Variants in CNTNAP4 observed in about 807,000 individuals in gnomAD.
The protein encoded by CNTNAP4 is contactin associated protein family member 4, also known as contactin-associated protein-like 4.
Under a neutral mutation model 148.4 loss-of-function variants are expected in CNTNAP4, and 98 were observed. The ratio of observed to expected loss-of-function variants is 0.66; its 90% CI spans 0.56 to 0.78. The LOEUF (loss-of-function observed/expected upper bound fraction) is 0.78, where lower values mean the gene tolerates loss of function less well. Among genes scored for constraint, CNTNAP4 ranks in the 30% least tolerant of loss-of-function variants. The pLI is 0.00. For missense variants in CNTNAP4, 1,935 were observed against 1,565.6 expected (o/e 1.24, Z -3.98); for synonymous variants, 730 against 565.1 (o/e 1.29, Z -4.14).
At chr16:76,550,884 C>T (rs2084927915) in intron 21 of CNTNAP4, among the ~76,000 whole-genome samples, 1 of 152,210 alleles carries the variant, frequency 6.6e-6, no homozygotes, top group Admixed American at 6.5e-5. Context: ...CGTATGTAAG[C>T]AGCAGAGTGA....
At position 76,494,975 on chromosome 16, in the gene CNTNAP4, T is replaced by C. The variant is rs781291488; in HGVS notation, c.2146T>C (p.Ser716Pro). The C allele has an allele frequency of 4.3e-6, 7 of 1,613,660 alleles. No homozygotes were observed. The South Asian group carries it at 7.7e-5, about 18-fold the overall frequency. Residue 716 changes from serine to proline, a missense_variant, in exon 14 of 24, where the codon TCG (serine) becomes CCG (proline). Physicochemically the swap from Ser to Pro is moderately conservative, Grantham distance 74. Coordinates refer to ENST00000611870, the MANE Select transcript of CNTNAP4 (RefSeq NM_033401.5). ...NETQTYWGGS[S>P]PDLQKCTCGL... ...AACGCAAACCTACTGGGGAGGTTCT[T>C]CGCCTGATCTTCAAAAATGTACTTG...
chr16:76,526,922 C>A (rs138041065), intron 17 of CNTNAP4, among the ~76,000 whole-genome samples: 2 of 152,132 alleles, frequency 1.3e-5, no homozygotes, highest in African/African-American at 4.8e-5. Context: ...GCTCCACCCC[C>A]CTCAGCCTCC....
At chr16:76,453,521 A>G (rs987135451) in intron 8 of CNTNAP4, among the ~76,000 whole-genome samples, 3 of 152,192 alleles carry the variant, frequency 2.0e-5, no homozygotes, top group Non-Finnish European at 4.4e-5. Context: ...CGTATGTACA[A>G]TGGCATCCAA....
At position 76,380,866 on chromosome 16, in the gene CNTNAP4, T is replaced by C. The variant is rs547787985; in HGVS notation, c.390+25355T>C. On this transcript the variant is annotated intron_variant, in intron 3 of 23. Coordinates refer to ENST00000611870, the MANE Select transcript of CNTNAP4 (RefSeq NM_033401.5). ...CTCTTCCACACCACAAGCATCAATA[T>C]GTGTACCTTAGAATGCCAAGAAAAA... is the stretch of plus-strand genomic sequence containing the variant. Among the ~76,000 whole-genome samples the C allele has an allele frequency of 9.2e-5, 14 of 152,270 alleles. No homozygotes were observed. In the South Asian group the frequency reaches 2.9e-3, roughly 31 times the overall value.
At chr16:76,546,362 C>T (rs1424670960) in intron 21 of CNTNAP4, among the ~76,000 whole-genome samples, 3 of 152,142 alleles carry the variant, frequency 2.0e-5, no homozygotes, top group African/African-American at 4.8e-5. Flanking sequence ...TACAGCTGCT[C>T]CCCATTGCTT....
At chr16:76,503,609 A>T (rs1187884052) in intron 15 of CNTNAP4, among the ~76,000 whole-genome samples, 1 of 152,124 alleles carries the variant, frequency 6.6e-6, no homozygotes, top group African/African-American at 2.4e-5. Flanking sequence ...TACATGTGCC[A>T]TGTTGGTGTG....
intron 17 of CNTNAP4, among the ~76,000 whole-genome samples, chr16:76,522,826 G>A (rs1443904159): frequency 4.7e-5 from 7 of 149,616 alleles, no homozygotes; most frequent in African/African-American, 9.9e-5. Context: ...GCAATAGTGC[G>A]ATCTCGGCTC....
intron 2 of CNTNAP4, among the ~76,000 whole-genome samples, chr16:76,336,258 A>G (rs1003291865): frequency 6.6e-6 from 1 of 152,186 alleles, no homozygotes; most frequent in Non-Finnish European, 1.5e-5. Context: ...TAACTGCAAT[A>G]TTATTCTAAC....
intron 15 of CNTNAP4, among the ~76,000 whole-genome samples, chr16:76,513,482 A>G (rs1419415102): frequency 6.6e-6 from 1 of 152,202 alleles, no homozygotes; most frequent in Non-Finnish European, 1.5e-5. Context: ...ACAGTCCCAC[A>G]TAAGGATTTG....
intron 2 of CNTNAP4, among the ~76,000 whole-genome samples, chr16:76,335,877 A>G (rs927809338): frequency 6.6e-6 from 1 of 152,142 alleles, no homozygotes; most frequent in African/African-American, 2.4e-5. Flanking sequence ...TCAGAATGTC[A>G]TGACCAAGTA....
At chr16:76,530,597 T>C (rs2083935711) in intron 17 of CNTNAP4, among the ~76,000 whole-genome samples, 1 of 152,210 alleles carries the variant, frequency 6.6e-6, no homozygotes, top group African/African-American at 2.4e-5. Context: ...AGACTCGTTC[T>C]TTCTGCTGCT....
At chr16:76,456,254 T>A (rs1048398595) in intron 8 of CNTNAP4, among the ~76,000 whole-genome samples, 2 of 152,170 alleles carry the variant, frequency 1.3e-5, no homozygotes, top group Non-Finnish European at 2.9e-5. Flanking sequence ...TAGAATGGCA[T>A]AGGATTTGGG....
At chr16:76,419,484 T>C (rs183193808) in intron 3 of CNTNAP4, among the ~76,000 whole-genome samples, 1 of 152,188 alleles carries the variant, frequency 6.6e-6, no homozygotes, top group Admixed American at 6.6e-5. Context: ...TGGAGCCCTC[T>C]AAGACTGTGG....
intron 2 of CNTNAP4, among the ~76,000 whole-genome samples, chr16:76,328,702 T>C (rs1963237775): frequency 6.6e-6 from 1 of 152,070 alleles, no homozygotes; most frequent in African/African-American, 2.4e-5. Context: ...CTGGAGTGCA[T>C]TAGCGCAATC....
chr16:76,528,724 A>G (rs1362544876), intron 17 of CNTNAP4, among the ~76,000 whole-genome samples: 1 of 152,236 alleles, frequency 6.6e-6, no homozygotes, highest in Non-Finnish European at 1.5e-5. Context: ...GGAAAGATTA[A>G]TGCTTTACTT....
intron 15 of CNTNAP4, 121 bp from the exon 16 acceptor site, chr16:76,521,015 ATTTG>A (rs2083431079): frequency 2.4e-6 from 2 of 848,620 alleles, no homozygotes; most frequent in South Asian, 3.3e-5. Flanking sequence ...AAAAGAGCAG[ATTTG>A]TATAAATAAC....
At position 76,492,963 on chromosome 16, in the gene CNTNAP4, T is replaced by TTTTG. The variant is rs397932932; in HGVS notation, c.2081-1947_2081-1946insTTTG. ...GTGCTTGCACACTTTTTTTTTTTTT[T>TTTTG]AATGCTTCCCTGGTCTTTCAGGCTC... On this transcript the variant is annotated intron_variant, in intron 13 of 23. Coordinates refer to ENST00000611870, the MANE Select transcript of CNTNAP4 (RefSeq NM_033401.5). Among the ~76,000 whole-genome samples, 54 of 151,516 alleles carry TTTTG rather than the reference T, an allele frequency of 3.6e-4. 1 individual carries two copies. The highest frequency in any genetic ancestry group is 5.5e-4 in the Non-Finnish European group (37 of 67,826).
intron 3 of CNTNAP4, among the ~76,000 whole-genome samples, chr16:76,389,808 A>G (rs566237143): frequency 1.3e-5 from 2 of 152,204 alleles, no homozygotes; most frequent in South Asian, 4.1e-4. Context: ...ATAGTGGCCT[A>G]TTCTGTCCTC....
intron 4 of CNTNAP4, among the ~76,000 whole-genome samples, chr16:76,433,624 A>G (rs1178155872): frequency 1.3e-5 from 2 of 152,196 alleles, no homozygotes; most frequent in African/African-American, 4.8e-5. Context: ...AAACATTGAA[A>G]GACAGCTAGA....
Sources: allele counts gnomAD v4.1 joint callset (sites outside exome capture counted in the v4.1 genomes callset), GRCh38; gene constraint gnomAD v4.1.1; transcripts MANE v1.5; gene names NCBI Gene and HGNC (gene_info 2026-07-23, HGNC 2026-07-21).